GSN: variants seen among roughly 807,000 people sequenced by gnomAD.
GSN encodes the protein actin-depolymerizing factor.
In GSN, 56 loss-of-function variants were observed where a neutral mutation model predicts 85.7. That is an observed-to-expected ratio of 0.65 (90% confidence interval 0.53 to 0.82). The LOEUF is 0.82. Ranked by LOEUF, GSN falls within the 40% of genes least tolerant of loss-of-function variation. The pLI, the probability that GSN is intolerant of heterozygous loss-of-function variation, is 0.00. For missense variants in GSN, 857 were observed against 979.8 expected, an observed-to-expected ratio of 0.87 and a Z score of 1.67; for synonymous variants, 373 against 399.1, an observed-to-expected ratio of 0.93 and a Z score of 0.78.
the GSN span, among the ~76,000 whole-genome samples, chr9:121,202,704 G>C: frequency 6.6e-6 from 1 of 152,072 alleles, no homozygotes; most frequent in Non-Finnish European, 1.5e-5. Context: ...TCACACACAT[G>C]TAAGTTAAAT....
chr9:121,301,625 CAA>C (rs753963979), intron 2 of GSN, among the ~76,000 whole-genome samples: 17 of 55,986 alleles, frequency 3.0e-4, no homozygotes, highest in Non-Finnish European at 4.3e-4. Context: ...GACTCTGTCT[CAA>C]AAAAAAAAAA....
At position 121,324,503 on chromosome 9, in the gene GSN, G is replaced by A. The variant is rs554857757; in HGVS notation, c.1326-51G>A. On this transcript the variant is annotated intron_variant, in intron 11 of 17. Coordinates refer to ENST00000432226, the MANE Select transcript of GSN (RefSeq NM_198252.3). ...TTTCTCAGACTCAGGGCAAGGGAGA[G>A]GCTCAGGGCTCTGTGTGCACCCTGA... The A allele has an allele frequency of 3.6e-4, 332 of 915,732 alleles. 2 individuals are homozygous for A. Among genetic ancestry groups the A allele is most frequent in the Non-Finnish European group, 5.4e-4 (308 of 570,334 alleles). 56.7% of individuals were successfully genotyped at this position (915,732 alleles called of 1,614,324 possible).
intron 5 of GSN, among the ~76,000 whole-genome samples, chr9:121,235,726 C>T (rs943660784): frequency 1.3e-5 from 2 of 152,110 alleles, no homozygotes; most frequent in Non-Finnish European, 2.9e-5. Context: ...AACCCAGGCC[C>T]GGAAATGACA....
At position 121,303,070 on chromosome 9, in the gene GSN, G is replaced by A. The variant is rs752067269; in HGVS notation, c.351+5G>A. On this transcript the variant is annotated splice_donor_5th_base_variant and intron_variant, in intron 4 of 17. Coordinates refer to ENST00000432226, the MANE Select transcript of GSN (RefSeq NM_198252.3). Reference sequence around the variant, plus strand: ...AAGTCTGGCCTGAAGTACAAGGTGGGTTGGGCCCCACCTTGCTTGAGCGGT... The same window carrying A: ...AAGTCTGGCCTGAAGTACAAGGTGGATTGGGCCCCACCTTGCTTGAGCGGT... 3 of 1,613,020 alleles carry A rather than the reference G, an allele frequency of 1.9e-6. No individual in the cohort carries two copies. In the African/African-American group the frequency reaches 4.0e-5, roughly 22 times the overall value.
intron 4 of GSN, among the ~76,000 whole-genome samples, chr9:121,228,056 C>T (rs370330258): frequency 1.2e-4 from 18 of 152,228 alleles, no homozygotes; most frequent in African/African-American, 4.1e-4. Flanking sequence ...GACACCCAGC[C>T]GCAAGTTCTT....
chr9:121,322,899 C>T (rs1200444917), intron 11 of GSN, among the ~76,000 whole-genome samples: 1 of 149,250 alleles, frequency 6.7e-6, no homozygotes, highest in Non-Finnish European at 1.5e-5. Context: ...GGTACGATCT[C>T]TGCTCACCAC....
intron 2 of GSN, among the ~76,000 whole-genome samples, chr9:121,291,319 C>T (rs1159561537): frequency 6.6e-6 from 1 of 151,942 alleles, no homozygotes; most frequent in Non-Finnish European, 1.5e-5. Context: ...TGGTGTACAG[C>T]ATCTGCAGAT....
intron 5 of GSN, among the ~76,000 whole-genome samples, chr9:121,246,063 G>T (rs1183772981): frequency 2.0e-5 from 3 of 152,148 alleles, no homozygotes; most frequent in African/African-American, 7.2e-5. Context: ...GATATATTCT[G>T]AAATATTTAT....
At position 121,299,254 on chromosome 9, in the gene GSN, C is replaced by G. The variant is rs756106686; in HGVS notation, c.-9-2709C>G. The G allele has an allele frequency of 2.0e-6, 2 of 981,324 alleles. No homozygotes were observed. Among genetic ancestry groups the G allele is most frequent in the African/African-American group, 1.7e-5 (1 of 57,280 alleles). 60.8% of individuals were successfully genotyped at this position (981,324 alleles called of 1,614,324 possible). A position where few individuals can be genotyped will look rare whatever the true frequency, so the allele number is the denominator to read the frequency against. On this transcript the variant is annotated intron_variant, in intron 2 of 17. Coordinates refer to ENST00000432226, the MANE Select transcript of GSN (RefSeq NM_198252.3). This position sits in a 1 kb window ranked among gnomAD's most constrained non-coding sequence, Gnocchi z 4.2. ...TCTGCCCCGCCCCTCTGAGTCCTGC[C>G]GGCTTCACCTGCCCACGGGAGCCGG...
At chr9:121,217,368 A>AG (rs1335265410) in intron 4 of GSN, among the ~76,000 whole-genome samples, 1 of 151,708 alleles carries the variant, frequency 6.6e-6, no homozygotes, top group Non-Finnish European at 1.5e-5. Context: ...TCCGTCTCAA[A>AG]AAAAAAAAAA....
intron 5 of GSN, among the ~76,000 whole-genome samples, chr9:121,244,810 A>C (rs1564354097): frequency 6.6e-6 from 1 of 152,238 alleles, no homozygotes; most frequent in Non-Finnish European, 1.5e-5. Flanking sequence ...TTAAGTAAAA[A>C]GAGAAAAGTA....
At chr9:121,250,426 G>A (rs1191683471) in intron 6 of GSN, among the ~76,000 whole-genome samples, 2 of 151,946 alleles carry the variant, frequency 1.3e-5, no homozygotes, top group Admixed American at 6.6e-5. Flanking sequence ...GGCTGGTTTC[G>A]AACTCCTGAC....
intron 5 of GSN, chr9:121,238,716 C>T (rs958197337): frequency 1.8e-5 from 7 of 390,022 alleles, no homozygotes; most frequent in African/African-American, 1.5e-4. Flanking sequence ...CAGTTGCCAA[C>T]CAGTATCCAA....
chr9:121,309,184 T>C (rs1483588882), intron 4 of GSN: 1 of 152,156 alleles, frequency 6.6e-6, no homozygotes, highest in African/African-American at 2.4e-5. Context: ...GTGGGTAAAG[T>C]GGGGTGAAGT....
chr9:121,260,617 C>G (rs991160687), intron 6 of GSN, among the ~76,000 whole-genome samples: 3 of 152,194 alleles, frequency 2.0e-5, no homozygotes, highest in Non-Finnish European at 4.4e-5. Context: ...CAGGTATAAT[C>G]TCTCTTGGAG....
At chr9:121,267,696 C>T (rs2055283036), upstream of GSN, among the ~76,000 whole-genome samples, 1 of 152,212 alleles carries the variant, frequency 6.6e-6, no homozygotes, top group Non-Finnish European at 1.5e-5. Context: ...TCCTTATTCC[C>T]TTCCGTGGGA....
chr9:121,254,853 C>T (rs577403458), intron 6 of GSN, among the ~76,000 whole-genome samples: 2 of 152,332 alleles, frequency 1.3e-5, no homozygotes, highest in Admixed American at 1.3e-4. Flanking sequence ...GTATTCTCCC[C>T]AGGGGTGACC....
At chr9:121,263,030 G>T (rs1027882622) in intron 6 of GSN, among the ~76,000 whole-genome samples, 1 of 152,228 alleles carries the variant, frequency 6.6e-6, no homozygotes, top group South Asian at 2.1e-4. Context: ...CCACTGAGCT[G>T]CCAGTCTAAT....
At position 121,299,870 on chromosome 9, in the gene GSN, G is replaced by C. The variant is rs2059609542; in HGVS notation, c.-9-2093G>C. 1.5e-6 allele frequency: 2 copies of C among 1,331,334 alleles called. No homozygotes were observed. The highest frequency in any genetic ancestry group is 3.1e-5 in the Admixed American group (1 of 32,660). 82.5% of individuals were successfully genotyped at this position (1,331,334 alleles called of 1,614,324 possible). ...CTGCCGCTGTCGCCACCATGGCTCCGCACCGCCCCGCGCCCGCGCTGCTTT... is the reference window on the plus strand; with the variant it reads ...CTGCCGCTGTCGCCACCATGGCTCCCCACCGCCCCGCGCCCGCGCTGCTTT... On this transcript the variant is annotated intron_variant, in intron 2 of 17. Transcript: ENST00000432226. This position sits in a 1 kb window ranked among gnomAD's most constrained non-coding sequence, Gnocchi z 4.2.
Sources: gnomAD v4.1 joint callset for allele counts (sites outside exome capture counted in the v4.1 genomes callset) on GRCh38, gnomAD v4.1.1 for gene constraint, Gnocchi (gnomAD v3.1) non-coding constraint, MANE v1.5 for transcripts, NCBI Gene and HGNC (gene_info 2026-07-23, HGNC 2026-07-21) for gene names.